Variants in UNC13C observed in about 807,000 individuals in gnomAD.
The protein encoded by UNC13C is protein unc-13 homolog C.
In UNC13C, 174 loss-of-function variants were observed where a neutral mutation model predicts 245.4. That is an observed-to-expected ratio of 0.71 (90% confidence interval 0.63 to 0.80). UNC13C has a LOEUF of 0.80. UNC13C is among the 30% of genes least tolerant of loss of function. The pLI is 0.00. For synonymous variants in UNC13C, 992 were observed against 895.1 expected (o/e 1.11, Z -1.93); for missense variants, 2,829 against 2,602.9 (o/e 1.09, Z -1.89).
Position 54,582,502 on chromosome 15 carries a change from G to A in UNC13C, c.6106+14555G>A, listed in dbSNP as rs954909176. Among the ~76,000 whole-genome samples, 4 of 152,272 alleles carry A rather than the reference G, an allele frequency of 2.6e-5. No individual in the cohort carries two copies. The East Asian group carries it at 5.8e-4, about 22-fold the overall frequency. The stretch of plus-strand genomic sequence containing the variant: ...GCCTTTGCAAGTTCTGAGGAAGGGC[G>A]CACAGTGAGAGAGGATAAACGAAGT... On this transcript the variant is annotated intron_variant, in intron 30 of 32. Coordinates refer to ENST00000260323, the MANE Select transcript of UNC13C (RefSeq NM_001080534.3).
chr15:54,051,023 A>C (rs1346118968), intron 2 of UNC13C: 1 of 388,660 alleles, frequency 2.6e-6, no homozygotes, highest in East Asian at 6.8e-5. Context: ...CTTCTTGACT[A>C]TTAGTCTTTT....
intron 2 of UNC13C, among the ~76,000 whole-genome samples, chr15:54,071,482 T>C (rs1898323961): frequency 6.6e-6 from 1 of 152,124 alleles, no homozygotes; most frequent in African/African-American, 2.4e-5. Context: ...AACTCATAAA[T>C]GTTAACTTTC....
intron 4 of UNC13C, among the ~76,000 whole-genome samples, chr15:54,228,910 G>C (rs1389310571): frequency 6.6e-6 from 1 of 152,156 alleles, no homozygotes; most frequent in East Asian, 1.9e-4. Context: ...TCTAAGCATA[G>C]CACAGCACGA....
At chr15:54,359,294 A>G (rs1395500124) in intron 17 of UNC13C, among the ~76,000 whole-genome samples, 1 of 151,698 alleles carries the variant, frequency 6.6e-6, no homozygotes, top group Non-Finnish European at 1.5e-5. Flanking sequence ...TTTTTGTTGT[A>G]TCATTGTCCG....
At chr15:53,963,855 T>C in the UNC13C span, among the ~76,000 whole-genome samples, 1 of 152,080 alleles carries the variant, frequency 6.6e-6, no homozygotes, top group Non-Finnish European at 1.5e-5. Context: ...GTGCTGCACA[T>C]GGAAATGGAA....
chr15:54,126,126 C>A (rs1204574729), intron 2 of UNC13C, among the ~76,000 whole-genome samples: 1 of 151,978 alleles, frequency 6.6e-6, no homozygotes, highest in Non-Finnish European at 1.5e-5. Context: ...TAAACTTAAG[C>A]CTTAACATAT....
chr15:54,085,813 T>A (rs1899207147), intron 2 of UNC13C, among the ~76,000 whole-genome samples: 4 of 152,140 alleles, frequency 2.6e-5, no homozygotes, highest in Admixed American at 2.6e-4. Flanking sequence ...GTGTGATCAA[T>A]TTTAAGCTCT....
the UNC13C span, among the ~76,000 whole-genome samples, chr15:53,904,526 C>CT: frequency 2.0e-5 from 3 of 152,034 alleles, no homozygotes; most frequent in Non-Finnish European, 4.4e-5. Context: ...CGAAGTAACT[C>CT]TTTTCTGTTT....
intron 19 of UNC13C, among the ~76,000 whole-genome samples, chr15:54,461,910 G>C (rs1891866125): frequency 6.6e-6 from 1 of 152,182 alleles, no homozygotes. Flanking sequence ...AATAACTTCT[G>C]AGAGTAGGAA....
chr15:53,945,467 G>A, the UNC13C span, among the ~76,000 whole-genome samples: 91 of 152,224 alleles, frequency 6.0e-4, 6 homozygotes, highest in South Asian at 0.019. Context: ...CATATGGCTA[G>A]CCAGTTATCT....
intron 19 of UNC13C, among the ~76,000 whole-genome samples, chr15:54,490,236 A>G (rs1014604459): frequency 2.0e-5 from 3 of 152,230 alleles, no homozygotes; most frequent in Non-Finnish European, 4.4e-5. Flanking sequence ...TAGAATGAGT[A>G]GTCTCTAGAT....
At chr15:54,297,245 G>A (rs2037460178) in intron 11 of UNC13C, among the ~76,000 whole-genome samples, 1 of 152,126 alleles carries the variant, frequency 6.6e-6, no homozygotes, top group African/African-American at 2.4e-5. Context: ...AGAATTGCAG[G>A]GTCTTCTGAT....
In UNC13C at chr15:54,144,212, C is replaced by A. The variant is rs146069658; in HGVS notation, c.3071+528C>A. Among the ~76,000 whole-genome samples, 630 of 152,198 alleles carry A rather than the reference C, an allele frequency of 4.1e-3. 7 individuals are homozygous for A. The highest frequency in any genetic ancestry group is 0.015 in the African/African-American group (606 of 41,536). On this transcript the variant is annotated intron_variant, in intron 4 of 32. Transcript: ENST00000260323. ...TCTATGTAAAAAATTCAAGCAGCCT[C>A]GTCTTTAATGTTAAAAGTTACGCAC...
intron 13 of UNC13C, among the ~76,000 whole-genome samples, chr15:54,315,859 AT>A (rs1246930788): frequency 6.6e-6 from 1 of 151,820 alleles, no homozygotes; most frequent in South Asian, 2.1e-4. Context: ...CTCCTTATGA[AT>A]TCTAAGTCCT....
intron 18 of UNC13C, among the ~76,000 whole-genome samples, chr15:54,393,899 A>G (rs2040016337): frequency 6.6e-6 from 1 of 151,928 alleles, no homozygotes. Context: ...TTTTACACCC[A>G]CATATTAAAG....
the UNC13C span, among the ~76,000 whole-genome samples, chr15:53,895,771 A>G: frequency 6.6e-6 from 1 of 152,178 alleles, no homozygotes; most frequent in East Asian, 1.9e-4. Context: ...TATAATGTCA[A>G]TTCCAAATTA....
intron 2 of UNC13C, among the ~76,000 whole-genome samples, chr15:54,080,923 T>G (rs12898786): frequency 6.6e-6 from 1 of 151,744 alleles, no homozygotes; most frequent in Non-Finnish European, 1.5e-5. Context: ...AGAACTTTCT[T>G]TCTTTTTGGT....
At chr15:54,572,127 G>T (rs1200900595) in intron 30 of UNC13C, among the ~76,000 whole-genome samples, 3 of 151,944 alleles carry the variant, frequency 2.0e-5, no homozygotes, top group Non-Finnish European at 4.4e-5. Context: ...ATGTCAGGTG[G>T]CTAAAAAGCA....
chr15:54,355,473 C>CA (rs2039073567), intron 17 of UNC13C, among the ~76,000 whole-genome samples: 1 of 152,084 alleles, frequency 6.6e-6, no homozygotes, highest in East Asian at 1.9e-4. Flanking sequence ...TCTCCTGCCT[C>CA]AGCCTCTCTA....
Sources: gnomAD v4.1 joint callset for allele counts (sites outside exome capture counted in the v4.1 genomes callset) on GRCh38, gnomAD v4.1.1 for gene constraint, MANE v1.5 for transcripts, NCBI Gene and HGNC (gene_info 2026-07-23, HGNC 2026-07-21) for gene names.